FOXO1: variants seen among roughly 807,000 people sequenced by gnomAD.
FOXO1 encodes forkhead box protein O1.
A neutral mutation model predicts 44.1 loss-of-function variants in FOXO1; 6 were observed. The ratio of observed to expected loss-of-function variants is 0.14; its 90% CI spans 0.07 to 0.27. FOXO1 has a LOEUF of 0.27. Among genes scored for constraint, FOXO1 ranks in the 10% least tolerant of loss-of-function variants. The pLI is 1.00. For missense variants in FOXO1, 737 were observed against 888.8 expected (o/e 0.83, Z 2.17); for synonymous variants, 380 against 362.7 (o/e 1.05, Z -0.54).
rs77573636 is a variant in FOXO1, at chr13:40,620,647, C to T, written c.630+44936G>A. The T allele has an allele frequency of 9.9e-3, 4,105 of 416,298 alleles. 162 individuals are homozygous for T. The highest frequency in any genetic ancestry group is 0.079 in the African/African-American group (3,755 of 47,776). 25.8% of individuals were successfully genotyped at this position (416,298 alleles called of 1,614,324 possible). On this transcript the variant is annotated intron_variant, in intron 1 of 2. Coordinates refer to ENST00000379561, the MANE Select transcript of FOXO1 (RefSeq NM_002015.4). Reference sequence around the variant, plus strand: ...TACTGACAGCAGCCAGCACAGGGAACGGGACAGGCAGGCCCAAGGAGACAG... The same window carrying T: ...TACTGACAGCAGCCAGCACAGGGAATGGGACAGGCAGGCCCAAGGAGACAG...
At chr13:40,658,107 G>A (rs757043900) in intron 1 of FOXO1, among the ~76,000 whole-genome samples, 1 of 152,184 alleles carries the variant, frequency 6.6e-6, no homozygotes, top group East Asian at 1.9e-4. Context: ...TCACTCAGAG[G>A]ACAAAAATTC....
intron 1 of FOXO1, among the ~76,000 whole-genome samples, chr13:40,660,903 C>T (rs1296066333): frequency 6.6e-6 from 1 of 151,858 alleles, no homozygotes; most frequent in African/African-American, 2.4e-5. Flanking sequence ...GAGATCAAGC[C>T]ACTACACTCC....
chr13:40,566,178 T>C (rs1874262366), intron 1 of FOXO1, among the ~76,000 whole-genome samples: 1 of 152,088 alleles, frequency 6.6e-6, no homozygotes, highest in Non-Finnish European at 1.5e-5. Flanking sequence ...AGCAGGGACC[T>C]CAACAGGCCA....
intron 1 of FOXO1, among the ~76,000 whole-genome samples, chr13:40,588,755 G>A (rs1007818790): frequency 6.6e-6 from 1 of 152,034 alleles, no homozygotes; most frequent in Non-Finnish European, 1.5e-5. Flanking sequence ...TAGAATAAAG[G>A]GCCTGTCCCT....
intron 1 of FOXO1, among the ~76,000 whole-genome samples, chr13:40,612,509 G>A (rs1297089323): frequency 9.9e-5 from 15 of 152,188 alleles, no homozygotes; most frequent in Non-Finnish European, 2.1e-4. Flanking sequence ...ACGTGCGTTC[G>A]CAAGCATGCC....
intron 1 of FOXO1, among the ~76,000 whole-genome samples, chr13:40,663,002 T>C (rs921359601): frequency 4.6e-5 from 7 of 152,248 alleles, no homozygotes; most frequent in African/African-American, 1.7e-4. Context: ...TTGTTTCTTT[T>C]CTTCTTAAAA....
At chr13:40,609,792 G>T (rs1486309478) in intron 1 of FOXO1, among the ~76,000 whole-genome samples, 1 of 152,030 alleles carries the variant, frequency 6.6e-6, no homozygotes, top group Non-Finnish European at 1.5e-5. Context: ...CCTTGGATAG[G>T]AAAAAACACA....
intron 1 of FOXO1, among the ~76,000 whole-genome samples, chr13:40,568,998 G>C (rs1009008436): frequency 6.6e-6 from 1 of 152,152 alleles, no homozygotes; most frequent in Admixed American, 6.5e-5. Flanking sequence ...CAAGTACCAA[G>C]AACATGCAAT....
chr13:40,583,870 T>C (rs1406517105), intron 1 of FOXO1, among the ~76,000 whole-genome samples: 3 of 152,258 alleles, frequency 2.0e-5, no homozygotes, highest in Admixed American at 1.3e-4. Flanking sequence ...CTTGGCTGAC[T>C]GGCATAAGAG....
chr13:40,565,278 C>T (rs943723863), intron 1 of FOXO1, among the ~76,000 whole-genome samples: 1 of 152,150 alleles, frequency 6.6e-6, no homozygotes, highest in African/African-American at 2.4e-5. Flanking sequence ...AACATGCCCT[C>T]CAGAAGCTTT....
chr13:40,584,579 G>A (rs777168532), intron 1 of FOXO1, among the ~76,000 whole-genome samples: 4 of 151,462 alleles, frequency 2.6e-5, no homozygotes, highest in Admixed American at 2.6e-4. Flanking sequence ...GCCCGGGTAG[G>A]TTGAGGCTGC....
At chr13:40,613,210 G>A (rs929424729) in intron 1 of FOXO1, among the ~76,000 whole-genome samples, 4 of 152,098 alleles carry the variant, frequency 2.6e-5, no homozygotes, top group African/African-American at 7.2e-5. Flanking sequence ...TCTTTTTGGA[G>A]GTGGTGTGTG....
intron 1 of FOXO1, among the ~76,000 whole-genome samples, chr13:40,605,648 A>T (rs1875968056): frequency 6.6e-6 from 1 of 152,150 alleles, no homozygotes. Context: ...TACAGTGCTC[A>T]TCATAGGCGT....
At chr13:40,602,651 A>T (rs533221325) in intron 1 of FOXO1, among the ~76,000 whole-genome samples, 7 of 152,352 alleles carry the variant, frequency 4.6e-5, no homozygotes, top group African/African-American at 1.7e-4. Context: ...TACATTTTTT[A>T]AAATGGTTGT....
At chr13:40,644,284 A>G (rs542627581) in intron 1 of FOXO1, among the ~76,000 whole-genome samples, 1 of 152,200 alleles carries the variant, frequency 6.6e-6, no homozygotes, top group Non-Finnish European at 1.5e-5. Flanking sequence ...CATGTCCCCA[A>G]CAATCTGCGA....
At chr13:40,622,856 C>T (rs531872626) in intron 1 of FOXO1, among the ~76,000 whole-genome samples, 3 of 152,226 alleles carry the variant, frequency 2.0e-5, no homozygotes, top group African/African-American at 7.2e-5. Flanking sequence ...TATAAGTAAG[C>T]GTGGAAGAAG....
At chr13:40,665,232 A>G (rs533489779) in intron 1 of FOXO1, among the ~76,000 whole-genome samples, 4 of 151,930 alleles carry the variant, frequency 2.6e-5, no homozygotes, top group Non-Finnish European at 5.9e-5. Context: ...GGGCAGCCGA[A>G]GCAGTCGGCG....
rs756343090 is a variant in FOXO1 at position 40,556,092 on chromosome 13, C to G, written c.*2957G>C. ...AACTAAAACCAGAAAAGAAACTTCT[C>G]TTTTAAAATTAGTTATAAATTAAGA... On this transcript the variant is annotated 3_prime_UTR_variant, in exon 3 of 3. Coordinates refer to ENST00000379561, the MANE Select transcript of FOXO1 (RefSeq NM_002015.4). The G allele has an allele frequency of 3.3e-5, 5 of 152,196 alleles. No individual in the cohort carries two copies. Among genetic ancestry groups the G allele is most frequent in the Non-Finnish European group, 5.9e-5 (4 of 68,038 alleles). 9.4% of individuals were successfully genotyped at this position (152,196 alleles called of 1,614,324 possible).
At chr13:40,607,262 T>A (rs2137886496) in intron 1 of FOXO1, among the ~76,000 whole-genome samples, 1 of 152,350 alleles carries the variant, frequency 6.6e-6, no homozygotes, top group East Asian at 1.9e-4. Context: ...TTCCTCGTGC[T>A]ACACCCGGAG....
Sources: allele counts gnomAD v4.1 joint callset (sites outside exome capture counted in the v4.1 genomes callset), GRCh38; gene constraint gnomAD v4.1.1; transcripts MANE v1.5; gene names NCBI Gene and HGNC (gene_info 2026-07-23, HGNC 2026-07-21).